DOCK9: variants seen among roughly 807,000 people sequenced by gnomAD.
DOCK9 encodes dedicator of cytokinesis protein 9.
In DOCK9, 89 loss-of-function variants were observed where a neutral mutation model predicts 263.3. The ratio of observed to expected loss-of-function variants is 0.34; its 90% CI spans 0.28 to 0.40. The LOEUF (loss-of-function observed/expected upper bound fraction) is 0.40. DOCK9 is among the 10% of genes least tolerant of loss of function. The pLI is 1.00. For synonymous variants in DOCK9, 976 were observed against 973.1 expected, an observed-to-expected ratio of 1.00 and a Z score of -0.06; for missense variants, 2,140 against 2,603.4, an observed-to-expected ratio of 0.82 and a Z score of 3.87.
At chr13:99,044,331 G>A (rs1888753730) in intron 1 of DOCK9, among the ~76,000 whole-genome samples, 1 of 152,198 alleles carries the variant, frequency 6.6e-6, no homozygotes, top group Non-Finnish European at 1.5e-5. Context: ...ATTCATGTTT[G>A]TTCCCTCAGC....
At chr13:98,822,987 T>C (rs1419537762) in intron 45 of DOCK9, among the ~76,000 whole-genome samples, 1 of 152,152 alleles carries the variant, frequency 6.6e-6, no homozygotes, top group Non-Finnish European at 1.5e-5. Context: ...TCAAAGTTTA[T>C]GTGACTGTTC....
In DOCK9 at chr13:98,860,923, C is replaced by T. The variant is rs536408873; in HGVS notation, c.3580-401G>A. Among the ~76,000 whole-genome samples, 11 of 152,202 alleles carry T rather than the reference C, an allele frequency of 7.2e-5. No homozygotes were observed. The South Asian group carries it at 1.0e-3, about 14-fold the overall frequency. On this transcript the variant is annotated intron_variant, in intron 32 of 52. Coordinates refer to ENST00000682017, the MANE Select transcript of DOCK9 (RefSeq NM_001366683.2). Reference sequence around the variant, plus strand: ...GGAATGCTGGCTTTTATCTGTAATGCGGGGAATTACAACAGCAGCAATGAC... The same window carrying T: ...GGAATGCTGGCTTTTATCTGTAATGTGGGGAATTACAACAGCAGCAATGAC...
At position 98,930,240 on chromosome 13, in the gene DOCK9, T is replaced by C. The variant is rs369056668; in HGVS notation, c.261A>G (p.Arg87=). The C allele has an allele frequency of 2.5e-6, 4 of 1,610,934 alleles. No homozygotes were observed. The African/African-American group carries it at 5.3e-5, about 22-fold the overall frequency. Residue 87 remains arginine, a synonymous_variant, in exon 3 of 53, where the codon CGA becomes CGG. Transcript: ENST00000682017. The stretch of plus-strand genomic sequence containing the variant: ...CTGTTGAGCATATGTATCGACCCTG[T>C]CGTCTCAGGATGGCCGTCTGGAAAC... The part of the protein sequence containing the change: ...YDDFQTAILR[R]QGRYICSTVP...
At chr13:99,062,435 C>A (rs967168642) in intron 1 of DOCK9, among the ~76,000 whole-genome samples, 1 of 152,132 alleles carries the variant, frequency 6.6e-6, no homozygotes, top group Non-Finnish European at 1.5e-5. Flanking sequence ...TGTTATAGAT[C>A]TCTGGTCTGA....
intron 1 of DOCK9, among the ~76,000 whole-genome samples, chr13:98,989,388 G>C (rs1243933477): frequency 1.3e-5 from 2 of 149,370 alleles, no homozygotes; most frequent in African/African-American, 4.9e-5. Flanking sequence ...TGATAATACA[G>C]ATTCCAGGAC....
Position 98,793,967 on chromosome 13 carries a change from G to A in DOCK9, c.*659C>T, listed in dbSNP as rs1236437461. The A allele has an allele frequency of 6.6e-6, 1 of 152,604 alleles. No individual in the cohort carries two copies. The highest frequency in any genetic ancestry group is 2.4e-5 in the African/African-American group (1 of 41,428). The allele number at this position is 152,604 out of a possible 1,614,324, so 9.5% of individuals were successfully genotyped here. ...ACATAACAATATACTGTACTACTTT[G>A]TACTTTTCAGCATAGTTGCGGTTAT... is the stretch of plus-strand genomic sequence containing the variant. On this transcript the variant is annotated 3_prime_UTR_variant, in exon 53 of 53. Coordinates refer to ENST00000682017, the MANE Select transcript of DOCK9 (RefSeq NM_001366683.2).
intron 1 of DOCK9, among the ~76,000 whole-genome samples, chr13:98,977,571 T>C (rs1875277105): frequency 6.6e-6 from 1 of 152,150 alleles, no homozygotes; most frequent in Non-Finnish European, 1.5e-5. Context: ...CCAGAAACCA[T>C]ATTCACCCAC....
intron 1 of DOCK9, among the ~76,000 whole-genome samples, chr13:98,994,969 G>A (rs1025198640): frequency 2.0e-5 from 3 of 152,068 alleles, no homozygotes; most frequent in African/African-American, 7.2e-5. Flanking sequence ...TTCTAAGTTC[G>A]TGAGGTATGG....
rs770997027 is a variant in DOCK9 at position 98,809,294 on chromosome 13, TG to T, written c.5367+57del. 2.7e-5 allele frequency: 40 copies of T among 1,458,184 alleles called. 1 individual carries two copies. The South Asian group carries it at 2.9e-4, about 10-fold the overall frequency. The allele number at this position is 1,458,184 out of a possible 1,614,324, so 90.3% of individuals were successfully genotyped here. A position where few individuals can be genotyped will look rare whatever the true frequency, so the allele number is the denominator to read the frequency against. On this transcript the variant is annotated intron_variant, in intron 47 of 52. Coordinates refer to ENST00000682017, the MANE Select transcript of DOCK9 (RefSeq NM_001366683.2). Reference sequence around the variant, plus strand: ...TTTATTATAGTTTTTTTTTTGTTTTTGTTTTTGTTTTTTTTTAAAGGACTTA... The same window carrying T: ...TTTATTATAGTTTTTTTTTTGTTTTTTTTTTGTTTTTTTTTAAAGGACTTA...
intron 22 of DOCK9, 106 bp downstream of exon 22, chr13:98,883,706 GA>G (rs2045216841): frequency 9.3e-6 from 6 of 643,456 alleles, no homozygotes; most frequent in South Asian, 4.7e-5. Flanking sequence ...AAGATCTATA[GA>G]GTAAAAATAT....
intron 1 of DOCK9, among the ~76,000 whole-genome samples, chr13:99,042,850 C>T (rs1296531649): frequency 6.6e-6 from 1 of 152,166 alleles, no homozygotes; most frequent in African/African-American, 2.4e-5. Context: ...TTTTATACAT[C>T]CAATTATTTT....
At chr13:98,828,653 T>C (rs958381528) in intron 43 of DOCK9, among the ~76,000 whole-genome samples, 14 of 152,348 alleles carry the variant, frequency 9.2e-5, no homozygotes, top group African/African-American at 2.9e-4. Flanking sequence ...GCACAGACAC[T>C]GAATGAGTTC....
intron 39 of DOCK9, among the ~76,000 whole-genome samples, chr13:98,832,487 C>A (rs577943770): frequency 1.1e-4 from 16 of 152,250 alleles, no homozygotes; most frequent in African/African-American, 3.1e-4. Flanking sequence ...TTTTGACATT[C>A]GTGGATTTTA....
chr13:98,959,141 T>C (rs976274859), intron 1 of DOCK9, among the ~76,000 whole-genome samples: 7 of 152,238 alleles, frequency 4.6e-5, no homozygotes, highest in African/African-American at 1.7e-4. Flanking sequence ...CAGGACTGGA[T>C]TGGGACAGGA....
chr13:99,081,853 T>C (rs1197735949), intron 1 of DOCK9, among the ~76,000 whole-genome samples: 2 of 152,210 alleles, frequency 1.3e-5, no homozygotes, highest in African/African-American at 4.8e-5. Context: ...AATTCTGAAA[T>C]TGTGAGGATT....
At chr13:99,046,851 G>A (rs969913837) in intron 1 of DOCK9, among the ~76,000 whole-genome samples, 31 of 152,180 alleles carry the variant, frequency 2.0e-4, no homozygotes, top group African/African-American at 5.6e-4. Flanking sequence ...TCATGCCTGC[G>A]TTTAAGGTAC....
chr13:99,046,799 C>T (rs1329952097), intron 1 of DOCK9, among the ~76,000 whole-genome samples: 1 of 152,234 alleles, frequency 6.6e-6, no homozygotes, highest in Non-Finnish European at 1.5e-5. Context: ...AACTCCTGAC[C>T]TCTTAATCCT....
intron 15 of DOCK9, among the ~76,000 whole-genome samples, chr13:98,897,151 C>T (rs994123504): frequency 2.0e-5 from 3 of 152,104 alleles, no homozygotes; most frequent in Non-Finnish European, 2.9e-5. Flanking sequence ...TGAATTTGTC[C>T]CCTTCTTCCT....
At chr13:99,062,745 C>T (rs1239691544) in intron 1 of DOCK9, among the ~76,000 whole-genome samples, 2 of 152,318 alleles carry the variant, frequency 1.3e-5, no homozygotes, top group South Asian at 2.1e-4. Context: ...GAAAACATCC[C>T]TTCAGAATCC....
Sources: gnomAD v4.1 joint callset for allele counts (sites outside exome capture counted in the v4.1 genomes callset) on GRCh38, gnomAD v4.1.1 for gene constraint, MANE v1.5 for transcripts, NCBI Gene and HGNC (gene_info 2026-07-23, HGNC 2026-07-21) for gene names.